The following RIMS2 variants were observed in gnomAD, a reference collection of about 807,000 sequenced individuals.
RIMS2 encodes regulating synaptic membrane exocytosis protein 2.
A neutral mutation model predicts 174.4 loss-of-function variants in RIMS2; 59 were observed. That is an observed-to-expected ratio of 0.34 (90% CI 0.27 to 0.42). The LOEUF (loss-of-function observed/expected upper bound fraction) is 0.42. Ranked by LOEUF, RIMS2 falls within the 10% of genes least tolerant of loss-of-function variation. RIMS2 has a pLI of 1.00. For missense variants in RIMS2, 1,620 were observed against 1,666.3 expected, an observed-to-expected ratio of 0.97 and a Z score of 0.48; for synonymous variants, 606 against 572.5, an observed-to-expected ratio of 1.06 and a Z score of -0.84.
In RIMS2 at chr8:103,814,526, T is replaced by A. The variant is rs144959417; in HGVS notation, c.698+47989T>A. On this transcript the variant is annotated intron_variant, in intron 3 of 23. Transcript: ENST00000504942. ...TTTGGTTGCTCTTGTCATTTGGATG[T>A]TTCATAGTACTAATTAAACAATTTG... Among the ~76,000 whole-genome samples the A allele has an allele frequency of 7.2e-5, 11 of 152,312 alleles. No homozygotes were observed. The East Asian group carries it at 2.1e-3, about 29-fold the overall frequency.
Position 104,102,766 on chromosome 8 carries a change from A to G in RIMS2, c.3334+88151A>G, listed in dbSNP as rs142440626. On this transcript the variant is annotated intron_variant, in intron 19 of 23. Coordinates refer to ENST00000504942, the Ensembl canonical transcript of RIMS2. ...CCATCAGATCTCATGAGATTTATTC[A>G]CTATCACGAGAGCAGCATGGGAAAA... Among the ~76,000 whole-genome samples the G allele has an allele frequency of 2.8e-3, 427 of 152,240 alleles. 3 individuals carry two copies. Among genetic ancestry groups the G allele is most frequent in the African/African-American group, 9.3e-3 (386 of 41,518 alleles).
intron 2 of RIMS2, among the ~76,000 whole-genome samples, chr8:103,744,118 T>C (rs2097785532): frequency 6.6e-6 from 1 of 152,228 alleles, no homozygotes; most frequent in Non-Finnish European, 1.5e-5. Context: ...GGATCTCAGC[T>C]AACTGCAACC....
intron 3 of RIMS2, among the ~76,000 whole-genome samples, chr8:103,787,976 A>ATTC (rs1438032379): frequency 1.3e-5 from 2 of 150,642 alleles, no homozygotes; most frequent in Non-Finnish European, 3.0e-5. Context: ...ATTTCTTTTT[A>ATTC]TTCTTTTTTC....
intron 17 of RIMS2, among the ~76,000 whole-genome samples, chr8:103,997,314 A>C (rs1187440340): frequency 6.6e-6 from 1 of 151,822 alleles, no homozygotes; most frequent in Non-Finnish European, 1.5e-5. Flanking sequence ...TTACAAGTAG[A>C]GGCATCTCTT....
At chr8:104,217,789 G>A (rs1403624081) in intron 19 of RIMS2, among the ~76,000 whole-genome samples, 2 of 152,128 alleles carry the variant, frequency 1.3e-5, no homozygotes, top group African/African-American at 4.8e-5. Flanking sequence ...TTCACATCAA[G>A]GGTAATTTCT....
intron 19 of RIMS2, among the ~76,000 whole-genome samples, chr8:104,124,375 AC>A (rs991151179): frequency 2.6e-5 from 4 of 152,144 alleles, no homozygotes; most frequent in African/African-American, 9.7e-5. Flanking sequence ...AGCAAAACTA[AC>A]AAAGTGAGAT....
chr8:104,222,758 ATGT>A (rs1258939334), intron 19 of RIMS2, among the ~76,000 whole-genome samples: 4 of 152,234 alleles, frequency 2.6e-5, no homozygotes, highest in African/African-American at 9.6e-5. Context: ...AAGCCGTACA[ATGT>A]TGTCATTCTT....
intron 19 of RIMS2, among the ~76,000 whole-genome samples, chr8:104,133,845 T>C (rs1203759459): frequency 6.6e-6 from 1 of 152,196 alleles, no homozygotes; most frequent in Non-Finnish European, 1.5e-5. Flanking sequence ...TAAATAGTTA[T>C]ACTCTTTACT....
At chr8:103,588,973 A>C (rs1407657474) in intron 1 of RIMS2, among the ~76,000 whole-genome samples, 2 of 151,720 alleles carry the variant, frequency 1.3e-5, no homozygotes, top group Non-Finnish European at 2.9e-5. Context: ...TAAAGAGACA[A>C]CCCATGGAAT....
At chr8:103,909,837 C>CTATTTCTGTTTAT (rs1226712816) in intron 4 of RIMS2, among the ~76,000 whole-genome samples, 1 of 151,708 alleles carries the variant, frequency 6.6e-6, no homozygotes, top group Non-Finnish European at 1.5e-5. Context: ...TTTTTTGTTT[C>CTATTTCTGTTTAT]TATTTCTGTT....
chr8:103,552,135 T>C (rs1848242457), intron 1 of RIMS2, among the ~76,000 whole-genome samples: 3 of 152,042 alleles, frequency 2.0e-5, no homozygotes, highest in Middle Eastern at 3.4e-3. Context: ...AAAGATTCCA[T>C]ATTGGCAAGA....
At chr8:103,912,819 G>T (rs1457635203) in intron 6 of RIMS2, among the ~76,000 whole-genome samples, 2 of 152,014 alleles carry the variant, frequency 1.3e-5, no homozygotes, top group Non-Finnish European at 2.9e-5. Context: ...ATTAAAACCT[G>T]AAATGAATAA....
intron 19 of RIMS2, among the ~76,000 whole-genome samples, chr8:104,077,767 C>T (rs2097326615): frequency 6.7e-6 from 1 of 149,576 alleles, no homozygotes; most frequent in Non-Finnish European, 1.5e-5. Flanking sequence ...GAAGCAACAA[C>T]TGTTCATTTA....
intron 19 of RIMS2, among the ~76,000 whole-genome samples, chr8:104,113,134 A>C (rs1012344737): frequency 1.2e-4 from 18 of 152,170 alleles, no homozygotes; most frequent in Non-Finnish European, 2.9e-5. Context: ...GAAGTTAACT[A>C]TCTAGTACCC....
chr8:103,906,640 C>A (rs767161747), intron 4 of RIMS2, among the ~76,000 whole-genome samples: 35 of 152,280 alleles, frequency 2.3e-4, no homozygotes, highest in Middle Eastern at 3.4e-3. Context: ...AAAAGAATTA[C>A]ATTTCTGCCT....
chr8:103,677,400 C>T (rs1458352473), intron 1 of RIMS2, among the ~76,000 whole-genome samples: 4 of 152,120 alleles, frequency 2.6e-5, no homozygotes, highest in Admixed American at 2.0e-4. Flanking sequence ...TGGAATCAGG[C>T]CAGATAATTA....
At chr8:103,858,734 C>T (rs1384026040) in intron 3 of RIMS2, among the ~76,000 whole-genome samples, 2 of 39,560 alleles carry the variant, frequency 5.1e-5, no homozygotes, top group Admixed American at 1.7e-4. Flanking sequence ...CATACCTATA[C>T]ACACACACAC....
chr8:104,057,184 A>G (rs78121026), intron 19 of RIMS2, among the ~76,000 whole-genome samples: 399 of 150,224 alleles, frequency 2.7e-3, no homozygotes, highest in Non-Finnish European at 4.2e-3. Context: ...CTCCTTCCTC[A>G]GCTTCCCATG....
At chr8:103,881,200 TC>T (rs1314748720) in intron 3 of RIMS2, among the ~76,000 whole-genome samples, 1 of 151,526 alleles carries the variant, frequency 6.6e-6, no homozygotes, top group Non-Finnish European at 1.5e-5. Context: ...GCACTGTATG[TC>T]CAGTGTTGTC....
Sources: gnomAD v4.1 joint callset for allele counts (sites outside exome capture counted in the v4.1 genomes callset) on GRCh38, gnomAD v4.1.1 for gene constraint, MANE v1.5 for transcripts, NCBI Gene and HGNC (gene_info 2026-07-23, HGNC 2026-07-21) for gene names.